The following CROCC2 variants were observed in gnomAD, a reference collection of about 807,000 sequenced individuals.
CROCC2 encodes ciliary rootlet coiled-coil, rootletin family member 2, also known as ciliary rootlet coiled-coil protein 2.
Under a neutral mutation model 177.6 loss-of-function variants are expected in CROCC2, and 163 were observed. The observed-to-expected ratio is 0.92, with a 90% CI of 0.81 to 1.05. The LOEUF (loss-of-function observed/expected upper bound fraction) is 1.05. CROCC2 is among the 50% of genes least tolerant of loss of function. The pLI, the probability that CROCC2 is intolerant of heterozygous loss-of-function variation, is 0.00. For missense variants in CROCC2, 1,929 were observed against 1,797.8 expected (o/e 1.07, Z -1.32); for synonymous variants, 904 against 787.3 (o/e 1.15, Z -2.48).
chr2:240,968,252 G>A lies in CROCC2; in HGVS notation c.4391G>A (p.Arg1464Gln), dbSNP rs561934834. ...GTGCGTGCGGCAGGCCAGGAGAAGC[G>A]GCGGCTGCAGGTGGGGCAGGCGGCA... is the stretch of plus-strand genomic sequence containing the variant. ...ASVRAAGQEKRRLQEQLETLR... is the reference protein window; with the variant it reads ...ASVRAAGQEKQRLQEQLETLR... Residue 1464 changes from arginine to glutamine, a missense_variant, in exon 27 of 32, where the codon CGG (arginine) becomes CAG (glutamine). Arg to Gln is a conservative substitution (Grantham distance 43). Transcript: ENST00000690015. 514 of 1,529,430 alleles carry A rather than the reference G, an allele frequency of 3.4e-4. 1 individual carries two copies. Among genetic ancestry groups the A allele is most frequent in the Non-Finnish European group, 2.3e-4 (260 of 1,143,832 alleles). 94.7% of individuals were successfully genotyped at this position (1,529,430 alleles called of 1,614,324 possible). A position where few individuals can be genotyped will look rare whatever the true frequency, so the allele number is the denominator to read the frequency against.
chr2:240,961,564 C>G (rs2059634426), intron 20 of CROCC2, among the ~76,000 whole-genome samples: 2 of 142,140 alleles, frequency 1.4e-5, no homozygotes, highest in South Asian at 4.5e-4. Context: ...TCATCACACT[C>G]ACACACTCAT....
rs777136828 is a variant in CROCC2, at chr2:240,989,759, C to T, written c.4789C>T (p.Arg1597Trp). ...ATEAERLHGARPQATQALESQ... is the reference protein window; with the variant it reads ...ATEAERLHGAWPQATQALESQ... ...AGAGGCAGAGCGTCTCCATGGGGCC[C>T]GGCCGCAGGCCACGCAGGCCCTGGA... Residue 1597 changes from arginine to tryptophan, a missense_variant, in exon 30 of 32, where the codon CGG becomes TGG. Around this residue, in one of 3 missense-constraint regions of CROCC2, gnomAD observed 388 missense variants for 352.7 expected, o/e 1.10. Transcript: ENST00000690015. The T allele has an allele frequency of 6.3e-5, 97 of 1,550,252 alleles. 1 individual carries two copies. In the Middle Eastern group the frequency reaches 6.7e-4, roughly 11 times the overall value.
At chr2:240,954,487 C>T (rs2059577832) in intron 18 of CROCC2, 1 of 152,204 alleles carries the variant, frequency 6.6e-6, no homozygotes, top group South Asian at 2.1e-4. Context: ...AATTCAAGAC[C>T]AGCCAGAAGA....
At chr2:240,952,858 G>A (rs2059565529) in intron 18 of CROCC2, among the ~76,000 whole-genome samples, 1 of 152,040 alleles carries the variant, frequency 6.6e-6, no homozygotes, top group Non-Finnish European at 1.5e-5. Context: ...CCATGCGAGA[G>A]GGGCTGAGAG....
rs1300463910 is a variant in CROCC2 at position 240,958,938 on chromosome 2, G to C, written c.2944-363G>C. 6 of 183,522 alleles carry C rather than the reference G, an allele frequency of 3.3e-5. No individual in the cohort carries two copies. Among genetic ancestry groups the C allele is most frequent in the East Asian group, 1.5e-4 (1 of 6,880 alleles). 11.4% of individuals were successfully genotyped at this position (183,522 alleles called of 1,614,324 possible). On this transcript the variant is annotated intron_variant, in intron 19 of 31. Transcript: ENST00000690015. This position sits in a 1 kb window ranked among gnomAD's most constrained non-coding sequence, Gnocchi z 6.7. ...ACACCTCGGGTGGTGTGTGCGACAG[G>C]GAGCCGACTCCAGCTGAGCTCAGTC...
chr2:240,956,485 T>C (rs2059591343), intron 19 of CROCC2: 1 of 158,336 alleles, frequency 6.3e-6, no homozygotes, highest in South Asian at 1.9e-4. Context: ...GAGAGAAGCG[T>C]CCGCGGAGGG....
In CROCC2 at chr2:240,965,814, G is replaced by C. The variant is rs562621293; in HGVS notation, c.3782G>C (p.Arg1261Pro). 2 of 1,466,190 alleles carry C rather than the reference G, an allele frequency of 1.4e-6. No individual in the cohort carries two copies. Among genetic ancestry groups the C allele is most frequent in the Non-Finnish European group, 1.8e-6 (2 of 1,106,778 alleles). The allele number at this position is 1,466,190 out of a possible 1,614,324, so 90.8% of individuals were successfully genotyped here. A position where few individuals can be genotyped will look rare whatever the true frequency, so the allele number is the denominator to read the frequency against. The stretch of plus-strand genomic sequence containing the variant: ...GGTGTGGCTGATGCTCTCCAGGCTC[G>C]CCTGGACCAGGCCTGTCACCGAATC... ...ASGVADALQA[R>P]LDQACHRIHS... Residue 1261 changes from arginine to proline, a missense_variant, in exon 24 of 32, where the codon CGC becomes CCC. This residue lies in a region of CROCC2 where 144 missense variants were observed against 205.2 expected (regional missense o/e 0.70). Coordinates refer to ENST00000690015, the MANE Select transcript of CROCC2 (RefSeq NM_001351305.2).
At chr2:240,975,861 C>G (rs1026548997) in intron 27 of CROCC2, among the ~76,000 whole-genome samples, 3 of 151,614 alleles carry the variant, frequency 2.0e-5, no homozygotes, top group Non-Finnish European at 2.9e-5. Flanking sequence ...TCCCAAGTAG[C>G]TGAGATTACA....
intron 27 of CROCC2, among the ~76,000 whole-genome samples, chr2:240,969,490 G>A (rs1336671200): frequency 6.6e-6 from 1 of 152,228 alleles, no homozygotes; most frequent in Non-Finnish European, 1.5e-5. Context: ...CCCTTCTGGT[G>A]ACAGCTGCTG....
chr2:240,965,667 TGGAGGCCGCAGG>T lies in CROCC2; in HGVS notation c.3643_3654del (p.Ala1215_Ala1218del). ...GGATTGCAGAGGAAGTTGGCAGAGG[TGGAGGCCGCAGG>T]GGAGGCCCATGGACAGCGGCTCCAG... On this transcript the variant is annotated inframe_deletion, in exon 24 of 32. Transcript: ENST00000690015. 38 of 1,550,398 alleles carry T rather than the reference TGGAGGCCGCAGG, an allele frequency of 2.5e-5. No individual in the cohort carries two copies. Among genetic ancestry groups the T allele is most frequent in the Non-Finnish European group, 3.3e-5 (38 of 1,146,922 alleles).
Position 240,931,128 on chromosome 2 carries a change from G to A in CROCC2, c.947G>A (p.Arg316Lys). 2 of 709,694 alleles carry A rather than the reference G, an allele frequency of 2.8e-6. No homozygotes were observed. The highest frequency in any genetic ancestry group is 5.3e-6 in the Non-Finnish European group (2 of 380,624). The allele number at this position is 709,694 out of a possible 1,614,324, so 44.0% of individuals were successfully genotyped here. The change falls in exon 7 of 32, where the codon AGA becomes AAA. Residue 316 changes from arginine (R) to lysine (K), a missense_variant and splice_region_variant. Arg to Lys is a conservative substitution (Grantham distance 26). Coordinates refer to ENST00000690015, the MANE Select transcript of CROCC2 (RefSeq NM_001351305.2). The stretch of plus-strand genomic sequence containing the variant: ...GCAGAGAAGGTGGCGCTCCAGGCCA[G>A]GTGGGCGCCCAGGGCCAGCAAGCTT... ...WDAEKVALQA[R>K]LSEQTLLVEK...
At position 240,920,051 on chromosome 2, in the gene CROCC2, C is replaced by T. The variant is rs528911281; in HGVS notation, c.298C>T (p.Leu100=). 7.0e-6 allele frequency: 5 copies of T among 716,178 alleles called. No individual in the cohort carries two copies. Among genetic ancestry groups the T allele is most frequent in the Non-Finnish European group, 1.0e-5 (4 of 384,848 alleles). 44.4% of individuals were successfully genotyped at this position (716,178 alleles called of 1,614,324 possible). Residue 100 remains leucine (L), a synonymous_variant, in exon 3 of 32, where the codon CTG becomes TTG. Coordinates refer to ENST00000690015, the MANE Select transcript of CROCC2 (RefSeq NM_001351305.2). Reference sequence around the variant, plus strand: ...GGAGAACGAGCTCCTGCAGGAGGAGCTGACCCGGCTGGGGGACCTGCTGGC... The same window carrying T: ...GGAGAACGAGCTCCTGCAGGAGGAGTTGACCCGGCTGGGGGACCTGCTGGC... ...QEENELLQEE[L]TRLGDLLAQA...
At chr2:240,948,730 G>A (rs1014428792) in intron 15 of CROCC2, among the ~76,000 whole-genome samples, 8 of 152,200 alleles carry the variant, frequency 5.3e-5, no homozygotes, top group Admixed American at 1.3e-4. Context: ...GAATCACGCC[G>A]TATGTGGGGG....
intron 28 of CROCC2, chr2:240,985,912 G>A (rs1224508104): frequency 2.2e-6 from 1 of 456,098 alleles, no homozygotes; most frequent in Non-Finnish European, 4.4e-6. Context: ...GCAGGTGAGG[G>A]CAGAGTGGGC....
At chr2:240,911,064 G>A (rs2059284654) in intron 1 of CROCC2, among the ~76,000 whole-genome samples, 1 of 152,080 alleles carries the variant, frequency 6.6e-6, no homozygotes, top group Non-Finnish European at 1.5e-5. Context: ...CCAGGAGGTG[G>A]AGGTAACAGT....
In CROCC2 at chr2:240,917,889, C is replaced by A. The variant is rs1240997793; in HGVS notation, c.79-837C>A. ...ACAGTCGGTAATCTATTTCACCTGG[C>A]AGGAGTCCCCTGCCCTGGGGTCCCG... On this transcript the variant is annotated intron_variant, in intron 1 of 31. Transcript: ENST00000690015. This position sits in a 1 kb window ranked among gnomAD's most constrained non-coding sequence, Gnocchi z 4.9. Among the ~76,000 whole-genome samples, 1 of 152,302 alleles carries A rather than the reference C, an allele frequency of 6.6e-6. No individual in the cohort carries two copies. Among genetic ancestry groups the A allele is most frequent in the African/African-American group, 2.4e-5 (1 of 41,574 alleles).
At chr2:240,990,609 T>G (rs527513429) in intron 30 of CROCC2, among the ~76,000 whole-genome samples, 1 of 152,226 alleles carries the variant, frequency 6.6e-6, no homozygotes, top group East Asian at 1.9e-4. Flanking sequence ...TTGAAATGGA[T>G]TCTCACTCTG....
At position 240,922,623 on chromosome 2, in the gene CROCC2, C is replaced by A; in HGVS notation, c.466C>A (p.Arg156Ser). 1.5e-6 allele frequency: 1 copy of A among 665,232 alleles called. No homozygotes were observed. The highest frequency in any genetic ancestry group is 2.8e-6 in the Non-Finnish European group (1 of 356,328). The allele number at this position is 665,232 out of a possible 1,614,324, so 41.2% of individuals were successfully genotyped here. A position where few individuals can be genotyped will look rare whatever the true frequency, so the allele number is the denominator to read the frequency against. ...HSVDLEEALGRLEAAEERSTG... is the reference protein window; with the variant it reads ...HSVDLEEALGSLEAAEERSTG... ...CGTGGATCTGGAGGAGGCCCTTGGC[C>A]GTCTGGAGGCTGCCGAGGAGAGGTG... Residue 156 changes from arginine (R) to serine (S), a missense_variant, in exon 4 of 32, where the codon CGT becomes AGT. Transcript: ENST00000690015.
intron 31 of CROCC2, among the ~76,000 whole-genome samples, chr2:240,992,278 T>C (rs1005494470): frequency 1.3e-5 from 2 of 152,174 alleles, no homozygotes; most frequent in Non-Finnish European, 2.9e-5. Context: ...AATCCCTGCA[T>C]GTGCCACAGG....
Sources: gnomAD v4.1 joint callset for allele counts (sites outside exome capture counted in the v4.1 genomes callset) on GRCh38, gnomAD v4.1.1 for gene constraint, gnomAD v4.1.1 regional missense constraint, Gnocchi (gnomAD v3.1) non-coding constraint, MANE v1.5 for transcripts, NCBI Gene and HGNC (gene_info 2026-07-23, HGNC 2026-07-21) for gene names.